The following SMYD3 variants were observed in gnomAD, a reference collection of about 807,000 sequenced individuals.
SMYD3 encodes the protein SET and MYND domain containing 3.
A neutral mutation model predicts 57.7 loss-of-function variants in SMYD3; 36 were observed. That is an observed-to-expected ratio of 0.62 (90% CI 0.48 to 0.82). The LOEUF (loss-of-function observed/expected upper bound fraction) is 0.82. Ranked by LOEUF, SMYD3 falls within the 40% of genes least tolerant of loss-of-function variation. The probability of loss-of-function intolerance (pLI) is 0.00; values close to 1 mark genes in which losing one functional copy is unlikely to be tolerated. For missense variants in SMYD3, 515 were observed against 538.8 expected, an observed-to-expected ratio of 0.96 and a Z score of 0.44; for synonymous variants, 211 against 195.0, an observed-to-expected ratio of 1.08 and a Z score of -0.68.
chr1:246,409,150 T>G (rs924571112), intron 1 of SMYD3, among the ~76,000 whole-genome samples: 2 of 152,232 alleles, frequency 1.3e-5, no homozygotes, highest in Non-Finnish European at 2.9e-5. Flanking sequence ...GATGGTGGTT[T>G]CTTTTGCTAT....
At chr1:246,440,117 G>T (rs1245882827) in intron 1 of SMYD3, among the ~76,000 whole-genome samples, 1 of 151,988 alleles carries the variant, frequency 6.6e-6, no homozygotes, top group African/African-American at 2.4e-5. Flanking sequence ...GTTGAGTGAG[G>T]ACTTACTCTA....
chr1:246,127,581 A>T (rs1182537687), intron 5 of SMYD3, among the ~76,000 whole-genome samples: 3 of 152,066 alleles, frequency 2.0e-5, no homozygotes, highest in Non-Finnish European at 4.4e-5. Context: ...CCCTAAACTC[A>T]CTGCAGTGGA....
chr1:245,770,267 TA>T (rs2046283940), intron 10 of SMYD3, among the ~76,000 whole-genome samples: 2 of 152,174 alleles, frequency 1.3e-5, no homozygotes. Context: ...TTGATGATCT[TA>T]GAGACAGAGA....
At chr1:246,222,027 G>A (rs1203005163) in intron 5 of SMYD3, among the ~76,000 whole-genome samples, 1 of 152,156 alleles carries the variant, frequency 6.6e-6, no homozygotes, top group Non-Finnish European at 1.5e-5. Flanking sequence ...GTTTTGGCTA[G>A]CATCTGAACA....
chr1:246,305,218 C>T (rs559560558), intron 5 of SMYD3, among the ~76,000 whole-genome samples: 4 of 152,232 alleles, frequency 2.6e-5, no homozygotes, highest in Admixed American at 2.0e-4. Flanking sequence ...TTCAGTGAAA[C>T]AATGATTAAA....
intron 5 of SMYD3, among the ~76,000 whole-genome samples, chr1:246,144,975 T>C (rs2061820507): frequency 6.6e-6 from 1 of 152,182 alleles, no homozygotes; most frequent in African/African-American, 2.4e-5. Context: ...ATCCTAATAG[T>C]TTTGTATAGT....
intron 10 of SMYD3, among the ~76,000 whole-genome samples, chr1:245,801,617 C>T (rs775153642): frequency 2.6e-5 from 4 of 151,714 alleles, no homozygotes; most frequent in South Asian, 2.1e-4. Context: ...ACAATGATTT[C>T]GATTTTGTAG....
intron 10 of SMYD3, among the ~76,000 whole-genome samples, chr1:245,823,778 G>T (rs1362032605): frequency 6.6e-6 from 1 of 152,204 alleles, no homozygotes; most frequent in Non-Finnish European, 1.5e-5. Context: ...AATGAGGAAA[G>T]AAAATTGGAA....
chr1:246,450,278 C>G (rs1408686149), intron 1 of SMYD3, among the ~76,000 whole-genome samples: 10 of 151,272 alleles, frequency 6.6e-5, no homozygotes, highest in Non-Finnish European at 1.3e-4. Context: ...GCAACAAAAG[C>G]GAAACTCTAT....
intron 8 of SMYD3, among the ~76,000 whole-genome samples, chr1:245,894,019 G>A (rs1228444304): frequency 6.6e-6 from 1 of 152,224 alleles, no homozygotes; most frequent in African/African-American, 2.4e-5. Flanking sequence ...AGAGAAATGA[G>A]ATGAGGCATA....
At position 246,481,615 on chromosome 1, in the gene SMYD3, CATATATACAT is replaced by C. The variant is rs2068105526; in HGVS notation, c.164+25429_164+25438del. 5.2e-5 allele frequency among the ~76,000 whole-genome samples: 2 copies of C among 38,750 alleles called. 1 individual carries two copies. Among genetic ancestry groups the C allele is most frequent in the African/African-American group, 2.1e-4 (2 of 9,574 alleles). The allele number at this position is 38,750 out of a possible 152,430, so 25.4% of individuals were successfully genotyped here. A position where few individuals can be genotyped will look rare whatever the true frequency, so the allele number is the denominator to read the frequency against. Reference sequence around the variant, plus strand: ...CTCCATATATATATATATACACATACATATATACATACATACATACACATATTCATATATG... The same window carrying C: ...CTCCATATATATATATATACACATACACATACATACACATATTCATATATG... On this transcript the variant is annotated intron_variant, in intron 1 of 11. Transcript: ENST00000490107.
At chr1:246,260,478 G>T (rs1469757415) in intron 5 of SMYD3, among the ~76,000 whole-genome samples, 4 of 152,138 alleles carry the variant, frequency 2.6e-5, no homozygotes, top group African/African-American at 9.6e-5. Context: ...TTGAGACAGA[G>T]TCTTGTTCTA....
chr1:245,785,700 A>C (rs190608285), intron 10 of SMYD3, among the ~76,000 whole-genome samples: 1 of 152,030 alleles, frequency 6.6e-6, no homozygotes, highest in East Asian at 1.9e-4. Flanking sequence ...AGAGAGAGCA[A>C]GAGAGAGCGA....
At chr1:246,475,683 C>T (rs1036128664) in intron 1 of SMYD3, among the ~76,000 whole-genome samples, 2 of 152,018 alleles carry the variant, frequency 1.3e-5, no homozygotes, top group African/African-American at 4.8e-5. Flanking sequence ...GGCACAATCT[C>T]GGCTCACTGC....
rs1000333358 is a variant in SMYD3, at chr1:245,949,816, A to G, written c.532-19879T>C. 3.2e-5 allele frequency among the ~76,000 whole-genome samples: 4 copies of G among 125,936 alleles called. No homozygotes were observed. In the Admixed American group the frequency reaches 3.4e-4, roughly 11 times the overall value. 82.6% of individuals were successfully genotyped at this position (125,936 alleles called of 152,430 possible). A position where few individuals can be genotyped will look rare whatever the true frequency, so the allele number is the denominator to read the frequency against. ...AGAGTGAGACCCTGTCTCCAAAAAA[A>G]AGAAACCCACCCCCCCCACCCCCAC... On this transcript the variant is annotated intron_variant, in intron 5 of 11. Transcript: ENST00000490107.
chr1:246,150,824 G>C (rs1480286482), intron 5 of SMYD3, among the ~76,000 whole-genome samples: 1 of 152,162 alleles, frequency 6.6e-6, no homozygotes, highest in Admixed American at 6.5e-5. Context: ...TTCCCCTCCA[G>C]AGCCCTGCCA....
chr1:246,104,743 T>C (rs956180191), intron 5 of SMYD3, among the ~76,000 whole-genome samples: 17 of 152,202 alleles, frequency 1.1e-4, no homozygotes, highest in African/African-American at 3.6e-4. Context: ...TTACCTTCCA[T>C]ATTCGCTTGA....
chr1:245,857,563 A>T (rs1461773653), intron 10 of SMYD3, among the ~76,000 whole-genome samples: 2 of 53,418 alleles, frequency 3.7e-5, no homozygotes, highest in Non-Finnish European at 7.9e-5. Flanking sequence ...AAAGCTGGGA[A>T]ATTAAAGATC....
At chr1:246,316,924 G>A (rs977942270) in intron 5 of SMYD3, among the ~76,000 whole-genome samples, 1 of 151,078 alleles carries the variant, frequency 6.6e-6, no homozygotes, top group Non-Finnish European at 1.5e-5. Flanking sequence ...GAACCTGGGA[G>A]GTGGAGGTTG....
Sources: allele counts gnomAD v4.1 joint callset (sites outside exome capture counted in the v4.1 genomes callset), GRCh38; gene constraint gnomAD v4.1.1; transcripts MANE v1.5; gene names NCBI Gene and HGNC (gene_info 2026-07-23, HGNC 2026-07-21).